TXNDC16: variants seen among roughly 807,000 people sequenced by gnomAD.
The protein encoded by TXNDC16 is thioredoxin domain-containing protein 16.
Under a neutral mutation model 85.6 loss-of-function variants are expected in TXNDC16, and 74 were observed. The ratio of observed to expected loss-of-function variants is 0.86; its 90% CI spans 0.72 to 1.05. The LOEUF is 1.05. Ranked by LOEUF, TXNDC16 falls within the 50% of genes least tolerant of loss-of-function variation. TXNDC16 has a pLI of 0.00. For missense variants in TXNDC16, 959 were observed against 947.0 expected (o/e 1.01, Z -0.17); for synonymous variants, 335 against 326.5 (o/e 1.03, Z -0.28).
intron 14 of TXNDC16, among the ~76,000 whole-genome samples, chr14:52,480,654 C>A (rs571054708): frequency 3.3e-5 from 5 of 151,366 alleles, no homozygotes; most frequent in African/African-American, 4.9e-5. Context: ...TGGCCATAAT[C>A]AAAAAAATAA....
chr14:52,464,615 T>A (rs555073732), intron 16 of TXNDC16, among the ~76,000 whole-genome samples: 14 of 148,994 alleles, frequency 9.4e-5, no homozygotes, highest in Middle Eastern at 3.4e-3. Context: ...TTCATAAAAA[T>A]TTTTTTTTTC....
intron 6 of TXNDC16, among the ~76,000 whole-genome samples, chr14:52,529,547 T>C (rs1450989586): frequency 3.1e-5 from 3 of 97,670 alleles, no homozygotes; most frequent in African/African-American, 4.3e-5. Context: ...GCCTATTATA[T>C]ATAATATATA....
intron 1 of TXNDC16, among the ~76,000 whole-genome samples, chr14:52,545,757 G>A (rs2037928264): frequency 6.6e-6 from 1 of 152,160 alleles, no homozygotes; most frequent in South Asian, 2.1e-4. Context: ...AAGGGAGTAG[G>A]GGAAGGATAT....
intron 6 of TXNDC16, among the ~76,000 whole-genome samples, chr14:52,530,762 T>C (rs1222751587): frequency 2.1e-5 from 3 of 146,104 alleles, no homozygotes; most frequent in East Asian, 4.0e-4. Context: ...TATGTCTCTG[T>C]GTATTAGAAG....
chr14:52,528,377 T>C (rs1022835317), intron 6 of TXNDC16, among the ~76,000 whole-genome samples: 2 of 152,092 alleles, frequency 1.3e-5, no homozygotes, highest in Admixed American at 6.6e-5. Context: ...AATCCAAACA[T>C]CTGTAAATAT....
Position 52,463,618 on chromosome 14 carries a change from A to C in TXNDC16, c.1618+6419T>G, listed in dbSNP as rs7494099. On this transcript the variant is annotated intron_variant, in intron 16 of 20. Coordinates refer to ENST00000281741, the MANE Select transcript of TXNDC16 (RefSeq NM_020784.3). ...ATTTGTCTTATTTGAACAGGATTTG[A>C]ACAGTTGGCCACCTTTGATTGACCA... Among the ~76,000 whole-genome samples, 252 of 152,304 alleles carry C rather than the reference A, an allele frequency of 1.7e-3. 5 individuals carry two copies. In the East Asian group the frequency reaches 0.045, roughly 27 times the overall value.
chr14:52,477,753 G>A (rs1275782296), intron 14 of TXNDC16, among the ~76,000 whole-genome samples: 1 of 152,096 alleles, frequency 6.6e-6, no homozygotes, highest in Non-Finnish European at 1.5e-5. Flanking sequence ...TCCACTGACA[G>A]CACTAGACAG....
rs150409970 is a variant in TXNDC16, at chr14:52,522,797, G to C, written c.393-3504C>G. On this transcript the variant is annotated intron_variant, in intron 6 of 20. Coordinates refer to ENST00000281741, the MANE Select transcript of TXNDC16 (RefSeq NM_020784.3). ...AATCCTTTTCTGCTTAAGCCAGTCA[G>C]ACCCAGATTCTAGGGCTTATAACTA... 2.2e-3 allele frequency among the ~76,000 whole-genome samples: 340 copies of C among 152,264 alleles called. 2 individuals are homozygous for C. The highest frequency in any genetic ancestry group is 7.9e-3 in the African/African-American group (329 of 41,556).
rs113187810 is a variant in TXNDC16, at chr14:52,480,924, C to T, written c.1312+1306G>A. Among the ~76,000 whole-genome samples the T allele has an allele frequency of 3.4e-3, 497 of 146,578 alleles. 3 individuals carry two copies. The highest frequency in any genetic ancestry group is 0.012 in the African/African-American group (480 of 39,742). On this transcript the variant is annotated intron_variant, in intron 14 of 20. Coordinates refer to ENST00000281741, the MANE Select transcript of TXNDC16 (RefSeq NM_020784.3). ...ACCAACCCAAATGCTCATCAATCAA[C>T]GAGTGGACAAAGACACTGTGGTGTG...
At chr14:52,481,329 T>A (rs1210911516) in intron 14 of TXNDC16, among the ~76,000 whole-genome samples, 3 of 151,864 alleles carry the variant, frequency 2.0e-5, no homozygotes, top group Admixed American at 2.0e-4. Context: ...CACCACCTGT[T>A]CCCCAGTAAC....
intron 3 of TXNDC16, 142 bp downstream of exon 3, chr14:52,543,256 G>A: frequency 1.1e-6 from 1 of 920,174 alleles, no homozygotes; most frequent in Non-Finnish European, 1.6e-6. Flanking sequence ...GCACGGGCCG[G>A]ATTCAAACCC....
In TXNDC16 at chr14:52,455,369, T is replaced by C. The variant is rs750295072; in HGVS notation, c.1797A>G (p.Ala599=). ...CTGTTATTATTTGAACTATGTCTTG[T>C]GCATGTGTGCTAGCTAGTGGGATGC... ...IESIPLASTH[A]QDIVQIITDA... is the part of the protein sequence containing the mutation. Residue 599 remains alanine (A), a synonymous_variant, in exon 18 of 21, where the codon GCA becomes GCG. Coordinates refer to ENST00000281741, the MANE Select transcript of TXNDC16 (RefSeq NM_020784.3). 4 of 1,613,922 alleles carry C rather than the reference T, an allele frequency of 2.5e-6. No individual in the cohort carries two copies. Among genetic ancestry groups the C allele is most frequent in the African/African-American group, 1.3e-5 (1 of 74,942 alleles).
In TXNDC16 at chr14:52,451,342, A is replaced by C. The variant is rs113550929; in HGVS notation, c.1842+3982T>G. Among the ~76,000 whole-genome samples the C allele has an allele frequency of 8.6e-3, 1,313 of 152,238 alleles. 20 individuals carry two copies. The highest frequency in any genetic ancestry group is 0.03 in the African/African-American group (1,234 of 41,582). ...AGGAGAAAGGAGTAATTCCAAACTC[A>C]TTCTACAAAGCCAGTATTACCCTGG... On this transcript the variant is annotated intron_variant, in intron 18 of 20. Transcript: ENST00000281741.
At chr14:52,474,777 TC>T (rs1291470107) in intron 14 of TXNDC16, among the ~76,000 whole-genome samples, 1 of 151,822 alleles carries the variant, frequency 6.6e-6, no homozygotes, top group Non-Finnish European at 1.5e-5. Context: ...GACTTCATTA[TC>T]CCCTCACTCA....
At chr14:52,518,019 C>T (rs1437982953) in intron 7 of TXNDC16, among the ~76,000 whole-genome samples, 3 of 152,192 alleles carry the variant, frequency 2.0e-5, no homozygotes, top group East Asian at 1.9e-4. Flanking sequence ...GCACTTCTGA[C>T]GTTAAATCAA....
intron 18 of TXNDC16, among the ~76,000 whole-genome samples, chr14:52,444,039 A>G (rs1376846281): frequency 6.6e-6 from 1 of 152,226 alleles, no homozygotes; most frequent in Non-Finnish European, 1.5e-5. Flanking sequence ...AATGAGACAG[A>G]GGATGGTCAG....
intron 18 of TXNDC16, among the ~76,000 whole-genome samples, chr14:52,451,219 C>T (rs1052045310): frequency 2.0e-5 from 3 of 150,810 alleles, no homozygotes; most frequent in African/African-American, 7.3e-5. Context: ...AGAACTTACC[C>T]ATGTAACCAA....
At chr14:52,531,327 C>G (rs1214239188) in intron 6 of TXNDC16, among the ~76,000 whole-genome samples, 1 of 152,096 alleles carries the variant, frequency 6.6e-6, no homozygotes, top group Non-Finnish European at 1.5e-5. Flanking sequence ...CGTATTTACC[C>G]AAAGGAGTTG....
rs147348302 is a variant in TXNDC16, at chr14:52,482,936, C to G, written c.1138G>C (p.Val380Leu). Residue 380 changes from valine (V) to leucine (L), a missense_variant, in exon 13 of 21, where the codon GTT (valine) becomes CTT (leucine). Coordinates refer to ENST00000281741, the MANE Select transcript of TXNDC16 (RefSeq NM_020784.3). ...DVQDDEVAET[V>L]FRDRKRKLPL... ...AATTTTCTCTTCCTATCTCTGAAAA[C>G]AGTTTCTGCCACTTCATCATCCTGA... The G allele has an allele frequency of 7.3e-5, 118 of 1,609,298 alleles. No homozygotes were observed. The highest frequency in any genetic ancestry group is 8.2e-5 in the Non-Finnish European group (97 of 1,178,952).
Sources: gnomAD v4.1 joint callset for allele counts (sites outside exome capture counted in the v4.1 genomes callset) on GRCh38, gnomAD v4.1.1 for gene constraint, MANE v1.5 for transcripts, NCBI Gene and HGNC (gene_info 2026-07-23, HGNC 2026-07-21) for gene names.